Variants in METRN observed in about 807,000 individuals in gnomAD.
METRN encodes the protein meteorin, glial cell differentiation regulator, also known as meteorin.
METRN carries 17 observed loss-of-function variants against 17.4 expected under a neutral mutation model. The ratio of observed to expected loss-of-function variants is 0.98; its 90% CI spans 0.67 to 1.46. The LOEUF (loss-of-function observed/expected upper bound fraction) is 1.46, where lower values mean the gene tolerates loss of function less well. METRN is among the 40% of genes most tolerant of loss of function. METRN has a pLI of 0.00. For synonymous variants in METRN, 230 were observed against 210.8 expected (o/e 1.09, Z -0.79); for missense variants, 489 against 456.2 (o/e 1.07, Z -0.65).
rs770168748 is a variant in METRN, at chr16:717,078, C to T, written c.573C>T (p.His191=). Residue 191 remains histidine, a synonymous_variant, in exon 4 of 4, where the codon CAC becomes CAT. Transcript: ENST00000568223. The stretch of plus-strand genomic sequence containing the variant: ...CCACATGCCTCCCCACAGTAATTCA[C>T]GGGATCATCCATGGGGTCACCCATG... ...LAACTSDFVI[H]GIIHGVTHDV... The T allele has an allele frequency of 5.7e-5, 92 of 1,610,720 alleles. No individual in the cohort carries two copies. Among genetic ancestry groups the T allele is most frequent in the African/African-American group, 8.0e-5 (6 of 74,876 alleles).
Position 715,269 on chromosome 16 carries a change from C to A in METRN, c.-21C>A. 1.6e-6 allele frequency: 2 copies of A among 1,284,062 alleles called. No homozygotes were observed. The highest frequency in any genetic ancestry group is 2.0e-5 in the South Asian group (1 of 49,364). 79.5% of individuals were successfully genotyped at this position (1,284,062 alleles called of 1,614,324 possible). ...CAGCGGTGGTGAGAGCCCCGACTCC[C>A]CGGACGCCGCCCGCCGTGCCATGGG... On this transcript the variant is annotated 5_prime_UTR_variant, in exon 1 of 4. Transcript: ENST00000568223.
intron 2 of METRN, chr16:716,438 T>C: frequency 7.0e-7 from 1 of 1,433,996 alleles, no homozygotes; most frequent in Non-Finnish European, 9.1e-7. Context: ...AGCTCTTGCT[T>C]GGCTCTCCTG....
In METRN at chr16:716,776, G is replaced by A. The variant is rs1169675218; in HGVS notation, c.506-157G>A. 1.4e-5 allele frequency: 21 copies of A among 1,528,616 alleles called. No homozygotes were observed. The Admixed American group carries it at 3.5e-4, about 26-fold the overall frequency. The allele number at this position is 1,528,616 out of a possible 1,614,324, so 94.7% of individuals were successfully genotyped here. A position where few individuals can be genotyped will look rare whatever the true frequency, so the allele number is the denominator to read the frequency against. ...GTCGCCGAGGGCGTGCACATCTGCT[G>A]TGTAGCTCTCTGGGACCCCCAGGTG... On this transcript the variant is annotated intron_variant, in intron 2 of 3. Transcript: ENST00000568223.
Position 715,869 on chromosome 16 carries a change from C to T in METRN, c.390C>T (p.Phe130=), listed in dbSNP as rs2040157174. Residue 130 remains phenylalanine (F), a synonymous_variant, in exon 2 of 4, where the codon TTC becomes TTT. Transcript: ENST00000568223. The part of the protein sequence containing the change: ...RWGPRERRAL[F]LQATPHQDIS... ...GTCCCCGCGAGCGCCGGGCCCTCTT[C>T]CTGCAGGCCACGCCGCACCAGGACA... 1.4e-6 allele frequency: 2 copies of T among 1,384,904 alleles called. No homozygotes were observed. Among genetic ancestry groups the T allele is most frequent in the Admixed American group, 3.4e-5 (1 of 29,012 alleles). The allele number at this position is 1,384,904 out of a possible 1,614,324, so 85.8% of individuals were successfully genotyped here.
intron 2 of METRN, 61 bp from the exon 3 acceptor site, chr16:716,872 G>A (rs1217140795): frequency 6.7e-7 from 1 of 1,500,536 alleles, no homozygotes; most frequent in Non-Finnish European, 8.9e-7. Context: ...ACAAGGGACG[G>A]GGCCTGGGGT....
chr16:717,197 AG>A lies in METRN; in HGVS notation c.696del (p.Leu233Ter). Reference protein sequence around the residue: ...PLFQAGRSGDQGLTSIRTPLR... With the variant: ...PLFQAGRSGDXGLTSIRTPLR... ...TTCCAGGCGGGGCGATCCGGGGACC[AG>A]GGGCTGACCTCCATTCGTACCCCAC... On this transcript the variant is annotated frameshift_variant, in exon 4 of 4. Transcript: ENST00000568223. LOFTEE classifies it low-confidence loss of function (END_TRUNC). 1.3e-6 allele frequency: 2 copies of A among 1,599,750 alleles called. No homozygotes were observed. Among genetic ancestry groups the A allele is most frequent in the African/African-American group, 1.3e-5 (1 of 74,822 alleles).
In METRN at chr16:717,336, C is replaced by A. The variant is rs758023647; in HGVS notation, c.831C>A (p.Tyr277Ter). 2.0e-6 allele frequency: 3 copies of A among 1,472,162 alleles called. No individual in the cohort carries two copies. The highest frequency in any genetic ancestry group is 2.7e-6 in the Non-Finnish European group (3 of 1,113,464). The allele number at this position is 1,472,162 out of a possible 1,614,324, so 91.2% of individuals were successfully genotyped here. Residue 277 changes from tyrosine (Y) to a stop codon, truncating the protein, a stop_gained, in exon 4 of 4, where the codon TAC (tyrosine) becomes TAA (stop). Coordinates refer to ENST00000568223, the MANE Select transcript of METRN (RefSeq NM_024042.4). LOFTEE classifies it low-confidence loss of function (END_TRUNC). ...APRFQEFRRAYEAARAAHLHP... is the reference protein window; with the variant it reads ...APRFQEFRRA ...GATTCCAGGAGTTCCGCCGTGCCTA[C>A]GAGGCTGCCCGTGCTGCCCACCTCC... is the stretch of plus-strand genomic sequence containing the variant.
Position 715,601 on chromosome 16 carries a change from C to T in METRN, c.122C>T (p.Pro41Leu), listed in dbSNP as rs527245253. 8.6e-6 allele frequency: 12 copies of T among 1,391,832 alleles called. No homozygotes were observed. The highest frequency in any genetic ancestry group is 3.2e-5 in the South Asian group (2 of 62,906). The allele number at this position is 1,391,832 out of a possible 1,614,324, so 86.2% of individuals were successfully genotyped here. A position where few individuals can be genotyped will look rare whatever the true frequency, so the allele number is the denominator to read the frequency against. Reference protein sequence around the residue: ...SWRGSGLTQEPGSVGQLALAC... With the variant: ...SWRGSGLTQELGSVGQLALAC... ...GTCCCCAGCGGCCTCACCCAGGAGC[C>T]CGGCAGCGTGGGGCAGCTGGCCCTG... Residue 41 changes from proline (P) to leucine (L), a missense_variant, in exon 2 of 4, where the codon CCC (proline) becomes CTC (leucine). Physicochemically the swap from Pro to Leu is moderately conservative, Grantham distance 98. Coordinates refer to ENST00000568223, the MANE Select transcript of METRN (RefSeq NM_024042.4).
At chr16:715,477 G>T (rs1329591735) in intron 1 of METRN, 84 bp downstream of exon 1, 1 of 1,258,886 alleles carries the variant, frequency 7.9e-7, no homozygotes, top group African/African-American at 1.6e-5. Flanking sequence ...AGCGCGCAGA[G>T]CGCTGGGCCG....
At position 717,648 on chromosome 16, in the gene METRN, T is replaced by A; in HGVS notation, c.*261T>A. The A allele has an allele frequency of 7.8e-6, 3 of 386,624 alleles. No individual in the cohort carries two copies. The highest frequency in any genetic ancestry group is 1.4e-5 in the Non-Finnish European group (3 of 219,262). 23.9% of individuals were successfully genotyped at this position (386,624 alleles called of 1,614,324 possible). ...AGGGAGAGCAGATGTCAGGAGGAGC[T>A]ACACCCACATTCCGGGGAGGGGCCG... On this transcript the variant is annotated 3_prime_UTR_variant, in exon 4 of 4. Transcript: ENST00000568223.
At position 718,990 on chromosome 16, in the gene METRN, C is replaced by G. The variant is rs374340304; in HGVS notation, c.*1603C>G. Reference sequence around the variant, plus strand: ...CCCGTGTGCCCTCCTGCACCGCCTCCTCCACTCCTGTCTTGGAGAGGCTTT... The same window carrying G: ...CCCGTGTGCCCTCCTGCACCGCCTCGTCCACTCCTGTCTTGGAGAGGCTTT... On this transcript the variant is annotated 3_prime_UTR_variant, in exon 4 of 4. Coordinates refer to ENST00000568223, the MANE Select transcript of METRN (RefSeq NM_024042.4). 2 of 152,412 alleles carry G rather than the reference C, an allele frequency of 1.3e-5. No homozygotes were observed. Among genetic ancestry groups the G allele is most frequent in the South Asian group, 2.1e-4 (1 of 4,838 alleles). The allele number at this position is 152,412 out of a possible 1,614,324, so 9.4% of individuals were successfully genotyped here. A position where few individuals can be genotyped will look rare whatever the true frequency, so the allele number is the denominator to read the frequency against.
At position 718,759 on chromosome 16, in the gene METRN, C is replaced by T. The variant is rs1474191916; in HGVS notation, c.*1372C>T. The T allele has an allele frequency of 6.6e-6, 1 of 152,476 alleles. No homozygotes were observed. The highest frequency in any genetic ancestry group is 1.5e-5 in the Non-Finnish European group (1 of 68,264). The allele number at this position is 152,476 out of a possible 1,614,324, so 9.4% of individuals were successfully genotyped here. A position where few individuals can be genotyped will look rare whatever the true frequency, so the allele number is the denominator to read the frequency against. On this transcript the variant is annotated 3_prime_UTR_variant, in exon 4 of 4. Transcript: ENST00000568223. ...GGGGTTCTCCCACCTTCTGCCCCTCCTCAGGTTCCTTGCTGCTTCTCTCCT... is the reference window on the plus strand; with the variant it reads ...GGGGTTCTCCCACCTTCTGCCCCTCTTCAGGTTCCTTGCTGCTTCTCTCCT...
Position 717,242 on chromosome 16 carries a change from CGG to C in METRN, c.739_740del (p.Gly247ProfsTer57). ...ACCCCACTGCGCTGTGGCGTCCACC[CGG>C]GCCCAGGCACCTTCCTCTTCATGGG... On this transcript the variant is annotated frameshift_variant, in exon 4 of 4. Coordinates refer to ENST00000568223, the MANE Select transcript of METRN (RefSeq NM_024042.4). LOFTEE classifies it low-confidence loss of function (END_TRUNC). 8 of 1,574,338 alleles carry C rather than the reference CGG, an allele frequency of 5.1e-6. No individual in the cohort carries two copies. The highest frequency in any genetic ancestry group is 6.9e-6 in the Non-Finnish European group (8 of 1,163,194).
Position 715,644 on chromosome 16 carries a change from G to C in METRN, c.165G>C (p.Ala55=). ...GQLALACAEG[A]VEWLYPAGAL... Reference sequence around the variant, plus strand: ...TGGCCCTGGCCTGTGCGGAGGGCGCGGTTGAGTGGCTGTACCCGGCTGGGG... The same window carrying C: ...TGGCCCTGGCCTGTGCGGAGGGCGCCGTTGAGTGGCTGTACCCGGCTGGGG... The change falls in exon 2 of 4, where the codon GCG becomes GCC. Residue 55 remains alanine, a synonymous_variant. Coordinates refer to ENST00000568223, the MANE Select transcript of METRN (RefSeq NM_024042.4). 7.7e-6 allele frequency: 11 copies of C among 1,437,172 alleles called. No homozygotes were observed. Among genetic ancestry groups the C allele is most frequent in the African/African-American group, 1.5e-5 (1 of 67,368 alleles). 89.0% of individuals were successfully genotyped at this position (1,437,172 alleles called of 1,614,324 possible).
Position 715,670 on chromosome 16 carries a change from C to G in METRN, c.191C>G (p.Ala64Gly), listed in dbSNP as rs764614008. 2.1e-6 allele frequency: 3 copies of G among 1,426,144 alleles called. No individual in the cohort carries two copies. In the South Asian group the frequency reaches 4.2e-5, roughly 20 times the overall value. The allele number at this position is 1,426,144 out of a possible 1,614,324, so 88.3% of individuals were successfully genotyped here. ...GAVEWLYPAG[A>G]LRLTLGGPDP... The stretch of plus-strand genomic sequence containing the variant: ...GTTGAGTGGCTGTACCCGGCTGGGG[C>G]GCTGCGCCTGACCCTGGGCGGCCCC... The change falls in exon 2 of 4, where the codon GCG (alanine) becomes GGG (glycine). Residue 64 changes from alanine (A) to glycine (G), a missense_variant. By Grantham distance (60) the Ala-to-Gly change is moderately conservative (BLOSUM62 0). Coordinates refer to ENST00000568223, the MANE Select transcript of METRN (RefSeq NM_024042.4).
Position 715,267 on chromosome 16 carries a change from C to T in METRN, c.-23C>T, listed in dbSNP as rs188927605. The T allele has an allele frequency of 0.024, 30,976 of 1,275,324 alleles. 1,152 individuals carry two copies. The highest frequency in any genetic ancestry group is 0.16 in the African/African-American group (9,971 of 63,532). The allele number at this position is 1,275,324 out of a possible 1,614,324, so 79.0% of individuals were successfully genotyped here. ...GGCAGCGGTGGTGAGAGCCCCGACT[C>T]CCCGGACGCCGCCCGCCGTGCCATG... On this transcript the variant is annotated 5_prime_UTR_variant, in exon 1 of 4. Coordinates refer to ENST00000568223, the MANE Select transcript of METRN (RefSeq NM_024042.4).
At chr16:715,545 C>A in intron 1 of METRN, 39 bp from the exon 2 acceptor site, 1 of 1,292,470 alleles carries the variant, frequency 7.7e-7, no homozygotes, top group Non-Finnish European at 9.8e-7. Flanking sequence ...GGGCGGGGAC[C>A]CGCCCCCGTC....
intron 2 of METRN, chr16:716,474 G>T: frequency 2.1e-6 from 3 of 1,456,424 alleles, no homozygotes; most frequent in Non-Finnish European, 2.7e-6. Flanking sequence ...CCCTGAAAGG[G>T]ATGGGCTCTC....
intron 2 of METRN, chr16:716,708 C>T: frequency 1.3e-6 from 2 of 1,535,458 alleles, no homozygotes; most frequent in East Asian, 2.4e-5. Flanking sequence ...TGCATTCCTG[C>T]CTTGGAGGTA....
Sources: gnomAD v4.1 joint callset for allele counts on GRCh38, gnomAD v4.1.1 for gene constraint, MANE v1.5 for transcripts, NCBI Gene and HGNC (gene_info 2026-07-23, HGNC 2026-07-21) for gene names.